MARCHF3: variants seen among roughly 807,000 people sequenced by gnomAD.
MARCHF3 encodes the protein membrane associated ring-CH-type finger 3.
MARCHF3 carries 13 observed loss-of-function variants against 24.2 expected under a neutral mutation model. The ratio of observed to expected loss-of-function variants is 0.54; its 90% CI spans 0.35 to 0.85. MARCHF3 has a LOEUF of 0.85. MARCHF3 is among the 40% of genes least tolerant of loss of function. The probability of loss-of-function intolerance (pLI) is 0.01; values close to 1 mark genes in which losing one functional copy is unlikely to be tolerated. For synonymous variants in MARCHF3, 144 were observed against 137.3 expected, an observed-to-expected ratio of 1.05 and a Z score of -0.34; for missense variants, 276 against 325.0, an observed-to-expected ratio of 0.85 and a Z score of 1.16.
chr5:127,026,678 T>C (rs531487770), intron 1 of MARCHF3, among the ~76,000 whole-genome samples: 2 of 152,352 alleles, frequency 1.3e-5, no homozygotes, highest in African/African-American at 4.8e-5. Flanking sequence ...TTCTCAGTTA[T>C]TGGTGTCATC....
intron 3 of MARCHF3, among the ~76,000 whole-genome samples, chr5:126,897,092 T>G (rs946692094): frequency 2.7e-5 from 4 of 148,592 alleles, no homozygotes; most frequent in Admixed American, 6.8e-5. Context: ...TGGACTGGAG[T>G]GCAATGGCAC....
intron 1 of MARCHF3, among the ~76,000 whole-genome samples, chr5:126,984,075 C>G (rs1288948430): frequency 6.6e-6 from 1 of 151,562 alleles, no homozygotes; most frequent in Non-Finnish European, 1.5e-5. Context: ...AATGTGGGAT[C>G]TCGCAATTTT....
rs568046949 is a variant in MARCHF3 at position 127,027,634 on chromosome 5, T to C, written c.-57+2716A>G. 4.6e-5 allele frequency among the ~76,000 whole-genome samples: 7 copies of C among 152,260 alleles called. No individual in the cohort carries two copies. In the South Asian group the frequency reaches 6.2e-4, roughly 14 times the overall value. Reference sequence around the variant, plus strand: ...GACTTCCTTAGAATCAGGGCCAACCTGGAATAGGGATAGCTGAGGATTCCA... The same window carrying C: ...GACTTCCTTAGAATCAGGGCCAACCCGGAATAGGGATAGCTGAGGATTCCA... On this transcript the variant is annotated intron_variant, in intron 1 of 4. Transcript: ENST00000308660.
chr5:126,876,193 C>A (rs1327652006), intron 4 of MARCHF3, among the ~76,000 whole-genome samples: 1 of 152,150 alleles, frequency 6.6e-6, no homozygotes, highest in African/African-American at 2.4e-5. Flanking sequence ...AGCCACCTAT[C>A]ACCCTGTTTC....
chr5:126,913,799 G>C (rs1754618311), intron 3 of MARCHF3, among the ~76,000 whole-genome samples: 1 of 152,154 alleles, frequency 6.6e-6, no homozygotes, highest in Non-Finnish European at 1.5e-5. Context: ...TTATTAAATA[G>C]TCTACAAGAA....
chr5:126,917,177 T>A (rs994518003), intron 2 of MARCHF3, among the ~76,000 whole-genome samples: 4 of 152,174 alleles, frequency 2.6e-5, no homozygotes, highest in African/African-American at 7.2e-5. Context: ...GCAAATCCAA[T>A]GTTGATCCAC....
At chr5:127,009,077 A>C (rs1357961122) in intron 1 of MARCHF3, among the ~76,000 whole-genome samples, 1 of 152,188 alleles carries the variant, frequency 6.6e-6, no homozygotes, top group African/African-American at 2.4e-5. Flanking sequence ...AGACAGGACC[A>C]AAAGATGATC....
intron 3 of MARCHF3, among the ~76,000 whole-genome samples, chr5:126,910,968 G>T (rs1754503304): frequency 1.3e-5 from 2 of 152,208 alleles, no homozygotes; most frequent in African/African-American, 4.8e-5. Context: ...TAAAATGGCT[G>T]CTTCGGGGGC....
chr5:126,927,856 G>A (rs1447119283), intron 1 of MARCHF3, among the ~76,000 whole-genome samples: 3 of 152,136 alleles, frequency 2.0e-5, no homozygotes, highest in Non-Finnish European at 4.4e-5. Flanking sequence ...TTCTTACCCG[G>A]ATTCAGCCTG....
chr5:126,889,492 A>G (rs529784802), intron 3 of MARCHF3, among the ~76,000 whole-genome samples: 2 of 152,160 alleles, frequency 1.3e-5, no homozygotes, highest in East Asian at 3.9e-4. Flanking sequence ...CAAGCAGAGT[A>G]TGGTGGAGGG....
At chr5:126,892,458 G>A (rs1229918963) in intron 3 of MARCHF3, among the ~76,000 whole-genome samples, 11 of 142,316 alleles carry the variant, frequency 7.7e-5, no homozygotes, top group East Asian at 2.1e-4. Flanking sequence ...TTTGAGATAC[G>A]TCCCATCAAT....
At chr5:127,013,622 T>C (rs1051915550) in intron 1 of MARCHF3, among the ~76,000 whole-genome samples, 1 of 152,162 alleles carries the variant, frequency 6.6e-6, no homozygotes, top group Non-Finnish European at 1.5e-5. Context: ...TAACATCCTC[T>C]TCCTTTCTTT....
Position 126,902,848 on chromosome 5 carries a change from C to CGA in MARCHF3, c.393+12081_393+12082insTC, listed in dbSNP as rs1052197743. On this transcript the variant is annotated intron_variant, in intron 3 of 4. Transcript: ENST00000308660. The stretch of plus-strand genomic sequence containing the variant: ...GTGTGGTCATCAGACAATGTCATCT[C>CGA]CACTGCTGGCACAAAGTATGGTTCC... 2.4e-4 allele frequency among the ~76,000 whole-genome samples: 37 copies of CGA among 152,212 alleles called. 1 individual carries two copies. Among genetic ancestry groups the CGA allele is most frequent in the Admixed American group, 2.4e-3 (36 of 15,246 alleles).
At chr5:127,026,106 A>G (rs879476073) in intron 1 of MARCHF3, among the ~76,000 whole-genome samples, 1 of 152,214 alleles carries the variant, frequency 6.6e-6, no homozygotes, top group Non-Finnish European at 1.5e-5. Flanking sequence ...CTAAAAAAAA[A>G]AAAAAGTTAT....
At chr5:126,893,107 T>G (rs1228201024) in intron 3 of MARCHF3, among the ~76,000 whole-genome samples, 1 of 152,010 alleles carries the variant, frequency 6.6e-6, no homozygotes, top group East Asian at 1.9e-4. Context: ...CTGATGGTAG[T>G]TTGTATTTCT....
chr5:127,013,471 C>A (rs1042417298), intron 1 of MARCHF3, among the ~76,000 whole-genome samples: 1 of 152,214 alleles, frequency 6.6e-6, no homozygotes, highest in East Asian at 1.9e-4. Context: ...TGACCCAGCC[C>A]TTTAATTACT....
intron 1 of MARCHF3, among the ~76,000 whole-genome samples, chr5:127,023,691 G>A (rs972865771): frequency 1.3e-4 from 19 of 150,880 alleles, no homozygotes; most frequent in African/African-American, 3.7e-4. Context: ...AGATTGCGCC[G>A]CTGCACTCTA....
At chr5:126,923,779 G>A (rs1749205842) in intron 1 of MARCHF3, among the ~76,000 whole-genome samples, 1 of 152,168 alleles carries the variant, frequency 6.6e-6, no homozygotes, top group South Asian at 2.1e-4. Context: ...CTCATGTTAA[G>A]TGTTCTTACT....
At chr5:126,962,505 C>A (rs978309547) in intron 1 of MARCHF3, among the ~76,000 whole-genome samples, 1 of 151,272 alleles carries the variant, frequency 6.6e-6, no homozygotes, top group African/African-American at 2.4e-5. Flanking sequence ...CAAAATGTTC[C>A]AAAATAGGAA....
Sources: gnomAD v4.1 joint callset for allele counts (sites outside exome capture counted in the v4.1 genomes callset) on GRCh38, gnomAD v4.1.1 for gene constraint, MANE v1.5 for transcripts, NCBI Gene and HGNC (gene_info 2026-07-23, HGNC 2026-07-21) for gene names.